The following RYR2 variants were observed in gnomAD, a reference collection of about 807,000 sequenced individuals.
The protein encoded by RYR2 is ryanodine receptor 2.
A neutral mutation model predicts 601.1 loss-of-function variants in RYR2; 227 were observed. The observed-to-expected ratio is 0.38, with a 90% CI of 0.34 to 0.42. The LOEUF is 0.42. Ranked by LOEUF, RYR2 falls within the 10% of genes least tolerant of loss-of-function variation. The pLI, the probability that RYR2 is intolerant of heterozygous loss-of-function variation, is 1.00. For synonymous variants in RYR2, 2,223 were observed against 2,175.1 expected, an observed-to-expected ratio of 1.02 and a Z score of -0.61; for missense variants, 4,646 against 6,156.5, an observed-to-expected ratio of 0.75 and a Z score of 8.21.
At chr1:237,267,527 G>C in intron 1 of RYR2, 1 of 216,430 alleles carries the variant, frequency 4.6e-6, no homozygotes. Context: ...CTCAAGAAAA[G>C]AAAAAAGAGA....
chr1:237,715,751 G>A (rs1689216504), intron 71 of RYR2, among the ~76,000 whole-genome samples: 1 of 152,104 alleles, frequency 6.6e-6, no homozygotes, highest in African/African-American at 2.4e-5. Context: ...TATTGGGGAT[G>A]TCGCTTTGCT....
chr1:237,505,016 C>T (rs1665072644), intron 22 of RYR2, among the ~76,000 whole-genome samples: 1 of 152,162 alleles, frequency 6.6e-6, no homozygotes, highest in Non-Finnish European at 1.5e-5. Flanking sequence ...TCAATTTCTT[C>T]TCATTTCCTT....
At chr1:237,145,657 A>T (rs1215277743) in intron 1 of RYR2, among the ~76,000 whole-genome samples, 1 of 152,186 alleles carries the variant, frequency 6.6e-6, no homozygotes, top group Admixed American at 6.5e-5. Context: ...TACATGTTGG[A>T]TATAGACCTA....
chr1:237,068,301 A>G (rs1663900809), intron 1 of RYR2, among the ~76,000 whole-genome samples: 1 of 152,196 alleles, frequency 6.6e-6, no homozygotes, highest in African/African-American at 2.4e-5. Flanking sequence ...AGTAAACAAC[A>G]TATAAATGGG....
intron 1 of RYR2, among the ~76,000 whole-genome samples, chr1:237,047,389 CTTTTTTT>C (rs3056166): frequency 1.6e-4 from 20 of 123,716 alleles, no homozygotes; most frequent in Non-Finnish European, 3.3e-5. Flanking sequence ...CCTTTCTAGC[CTTTTTTT>C]TTTTTTTTTT....
chr1:237,707,364 TATTA>T (rs1688468794), intron 68 of RYR2, 95 bp downstream of exon 68: 1 of 659,810 alleles, frequency 1.5e-6, no homozygotes, highest in Non-Finnish European at 2.3e-6. Flanking sequence ...TCACAATTTT[TATTA>T]ATATTTTCTT....
At chr1:237,467,709 A>G (rs1660237494) in intron 16 of RYR2, among the ~76,000 whole-genome samples, 1 of 152,058 alleles carries the variant, frequency 6.6e-6, no homozygotes. Context: ...TTATTTTTGG[A>G]AAGAGGAAAC....
chr1:237,340,080 A>G (rs1200282340), intron 3 of RYR2, among the ~76,000 whole-genome samples: 1 of 152,202 alleles, frequency 6.6e-6, no homozygotes, highest in African/African-American at 2.4e-5. Flanking sequence ...TGTCTGCTAC[A>G]TCATATAGCA....
intron 22 of RYR2, 146 bp from the exon 23 acceptor site, chr1:237,506,564 T>A: frequency 1.9e-6 from 1 of 514,216 alleles, no homozygotes; most frequent in South Asian, 2.6e-5. Flanking sequence ...AAAAAGAATG[T>A]CGTGAAATAG....
At position 237,342,842 on chromosome 1, in the gene RYR2, T is replaced by G. The variant is rs547188837; in HGVS notation, c.273+11860T>G. 2.0e-4 allele frequency among the ~76,000 whole-genome samples: 30 copies of G among 152,264 alleles called. 1 individual carries two copies. The highest frequency in any genetic ancestry group is 3.4e-3 in the Middle Eastern group (1 of 294). On this transcript the variant is annotated intron_variant, in intron 3 of 104. Coordinates refer to ENST00000366574, the MANE Select transcript of RYR2 (RefSeq NM_001035.3). Reference sequence around the variant, plus strand: ...GGCCTAATATTGCCGCGCACTGATTTCCATAGCCCTGGAAAATGTGAGCCA... The same window carrying G: ...GGCCTAATATTGCCGCGCACTGATTGCCATAGCCCTGGAAAATGTGAGCCA...
chr1:237,144,124 G>A lies in RYR2; in HGVS notation c.48+101555G>A, dbSNP rs541646898. 3.7e-3 allele frequency among the ~76,000 whole-genome samples: 567 copies of A among 151,262 alleles called. 4 individuals are homozygous for A. The highest frequency in any genetic ancestry group is 7.4e-3 in the Admixed American group (113 of 15,188). On this transcript the variant is annotated intron_variant, in intron 1 of 104. Transcript: ENST00000366574. ...AGCCTGGGTGACAAAGTGAGACTCTGTCTCAAAAAAGAAAAAAAAAAAATT... is the reference window on the plus strand; with the variant it reads ...AGCCTGGGTGACAAAGTGAGACTCTATCTCAAAAAAGAAAAAAAAAAAATT...
chr1:237,437,044 A>T (rs1707460021), intron 12 of RYR2, among the ~76,000 whole-genome samples: 2 of 150,528 alleles, frequency 1.3e-5, no homozygotes, highest in African/African-American at 4.9e-5. Flanking sequence ...TTTATTTTTT[A>T]TTTTTATTTT....
At chr1:237,472,197 A>G (rs150492602) in intron 17 of RYR2, among the ~76,000 whole-genome samples, 240 of 152,304 alleles carry the variant, frequency 1.6e-3, no homozygotes, top group African/African-American at 5.5e-3. Context: ...ACTTATTTCA[A>G]TTGTGCTTTG....
chr1:237,455,793 A>G (rs534206799), intron 15 of RYR2, among the ~76,000 whole-genome samples: 1 of 152,294 alleles, frequency 6.6e-6, no homozygotes, highest in Non-Finnish European at 1.5e-5. Context: ...ATCAACATAA[A>G]CCAATAATAA....
chr1:237,371,741 T>A (rs1165823371), intron 6 of RYR2, among the ~76,000 whole-genome samples: 3 of 152,172 alleles, frequency 2.0e-5, no homozygotes, highest in African/African-American at 7.2e-5. Context: ...GTTTATGTCC[T>A]TTGTAGGGAC....
At chr1:237,443,984 T>C (rs993885092) in intron 13 of RYR2, among the ~76,000 whole-genome samples, 1 of 152,214 alleles carries the variant, frequency 6.6e-6, no homozygotes, top group African/African-American at 2.4e-5. Context: ...TTGGATTCCT[T>C]TTGATTAGTC....
At chr1:237,579,987 G>A (rs1673712735) in intron 29 of RYR2, among the ~76,000 whole-genome samples, 1 of 148,038 alleles carries the variant, frequency 6.8e-6, no homozygotes, top group Non-Finnish European at 1.5e-5. Context: ...CCAGCATATT[G>A]ACGGCATAGG....
intron 1 of RYR2, among the ~76,000 whole-genome samples, chr1:237,124,174 A>G (rs1354289340): frequency 1.3e-5 from 2 of 152,220 alleles, no homozygotes; most frequent in Non-Finnish European, 2.9e-5. Flanking sequence ...TCATTTTGCA[A>G]TGATTTGCCC....
chr1:237,538,394 C>CAAAAAAAAA (rs10551995), intron 25 of RYR2, among the ~76,000 whole-genome samples: 3 of 32,898 alleles, frequency 9.1e-5, no homozygotes, highest in African/African-American at 2.7e-4. Flanking sequence ...GACTCTGTCT[C>CAAAAAAAAA]AAAAAAAAAA....
Sources: allele counts gnomAD v4.1 joint callset (sites outside exome capture counted in the v4.1 genomes callset), GRCh38; gene constraint gnomAD v4.1.1; transcripts MANE v1.5; gene names NCBI Gene and HGNC (gene_info 2026-07-23, HGNC 2026-07-21).